UNC5D: variants seen among roughly 807,000 people sequenced by gnomAD.
UNC5D encodes the protein netrin receptor UNC5D.
In UNC5D, 39 loss-of-function variants were observed where a neutral mutation model predicts 105.4. The ratio of observed to expected loss-of-function variants is 0.37; its 90% CI spans 0.29 to 0.48. The LOEUF (loss-of-function observed/expected upper bound fraction) is 0.48. Among genes scored for constraint, UNC5D ranks in the 20% least tolerant of loss-of-function variants. UNC5D has a pLI of 0.98. For missense variants in UNC5D, 991 were observed against 1,202.4 expected, an observed-to-expected ratio of 0.82 and a Z score of 2.60; for synonymous variants, 452 against 450.4, an observed-to-expected ratio of 1.00 and a Z score of -0.04.
intron 3 of UNC5D, among the ~76,000 whole-genome samples, chr8:35,594,511 C>A (rs1819368981): frequency 6.6e-6 from 1 of 152,098 alleles, no homozygotes; most frequent in Non-Finnish European, 1.5e-5. Flanking sequence ...GGAGGGAGGG[C>A]AAAATCTTTT....
intron 16 of UNC5D, among the ~76,000 whole-genome samples, chr8:35,786,241 G>T (rs565187181): frequency 6.6e-6 from 1 of 152,090 alleles, no homozygotes; most frequent in Non-Finnish European, 1.5e-5. Context: ...AAATTAAATG[G>T]AATTTGAGAT....
intron 4 of UNC5D, among the ~76,000 whole-genome samples, chr8:35,672,696 GTTC>G (rs1432573564): frequency 6.6e-6 from 1 of 152,054 alleles, no homozygotes; most frequent in Non-Finnish European, 1.5e-5. Flanking sequence ...TCTGTTTAAT[GTTC>G]TTTTCCTCTG....
intron 8 of UNC5D, among the ~76,000 whole-genome samples, chr8:35,718,630 TAAC>T (rs1828395459): frequency 6.6e-6 from 1 of 152,090 alleles, no homozygotes; most frequent in Non-Finnish European, 1.5e-5. Flanking sequence ...GTTTGAAAAT[TAAC>T]AATAAAAAAC....
chr8:35,469,962 G>C (rs1045553819), intron 1 of UNC5D, among the ~76,000 whole-genome samples: 3 of 152,154 alleles, frequency 2.0e-5, no homozygotes, highest in African/African-American at 7.2e-5. Flanking sequence ...TAATTATTAA[G>C]CCACTCCTCA....
rs57529561 is a variant in UNC5D at position 35,731,399 on chromosome 8, C to CAAAAAAA, written c.1766+327_1766+333dup. On this transcript the variant is annotated intron_variant, in intron 11 of 16. Coordinates refer to ENST00000404895, the MANE Select transcript of UNC5D (RefSeq NM_080872.4). ...CTGGGCAACAGTGAGACTCTGTCTC[C>CAAAAAAA]AAAAAAAAAAAAAAAAAAAAAAAAA... Among the ~76,000 whole-genome samples the CAAAAAAA allele has an allele frequency of 6.9e-4, 21 of 30,646 alleles. 3 individuals carry two copies. The highest frequency in any genetic ancestry group is 1.3e-3 in the African/African-American group (20 of 15,720). 20.1% of individuals were successfully genotyped at this position (30,646 alleles called of 152,430 possible).
chr8:35,654,960 A>G (rs1823641752), intron 4 of UNC5D, among the ~76,000 whole-genome samples: 1 of 152,200 alleles, frequency 6.6e-6, no homozygotes, highest in Non-Finnish European at 1.5e-5. Flanking sequence ...GGTAAAAATG[A>G]TGCACAGATG....
At chr8:35,413,991 T>C (rs1805372928) in intron 1 of UNC5D, among the ~76,000 whole-genome samples, 1 of 152,154 alleles carries the variant, frequency 6.6e-6, no homozygotes, top group Admixed American at 6.5e-5. Context: ...AAAGCTGACC[T>C]CAGATTCTTG....
chr8:35,786,223 A>G (rs1204775188), intron 16 of UNC5D, among the ~76,000 whole-genome samples: 1 of 152,220 alleles, frequency 6.6e-6, no homozygotes, highest in Admixed American at 6.5e-5. Context: ...TCTTCTATGT[A>G]TATATTAAAA....
intron 1 of UNC5D, among the ~76,000 whole-genome samples, chr8:35,240,025 T>C (rs577200419): frequency 1.3e-5 from 2 of 152,112 alleles, no homozygotes; most frequent in Admixed American, 1.3e-4. Flanking sequence ...AGTGGCGAAC[T>C]CCTAGGCTCA....
chr8:35,415,998 A>T (rs767249817), intron 1 of UNC5D, among the ~76,000 whole-genome samples: 1 of 152,060 alleles, frequency 6.6e-6, no homozygotes, highest in Non-Finnish European at 1.5e-5. Context: ...GTTAGTATTA[A>T]CACTTACGTG....
chr8:35,683,856 C>T (rs1825836111), intron 5 of UNC5D, 129 bp downstream of exon 5: 1 of 870,180 alleles, frequency 1.1e-6, no homozygotes, highest in Admixed American at 4.3e-5. Flanking sequence ...AGTGCTCTAT[C>T]CTGCCTCCCT....
At chr8:35,685,313 A>G (rs1825933470) in intron 6 of UNC5D, among the ~76,000 whole-genome samples, 1 of 152,180 alleles carries the variant, frequency 6.6e-6, no homozygotes, top group African/African-American at 2.4e-5. Flanking sequence ...TACTTCATTT[A>G]CCAAGTATGG....
chr8:35,368,733 A>C (rs1375796033), intron 1 of UNC5D, among the ~76,000 whole-genome samples: 2 of 152,072 alleles, frequency 1.3e-5, no homozygotes, highest in Non-Finnish European at 2.9e-5. Flanking sequence ...TTGGGAGGTA[A>C]TTAGGTCTGG....
chr8:35,437,687 A>G (rs1563417440), intron 1 of UNC5D, among the ~76,000 whole-genome samples: 1 of 152,094 alleles, frequency 6.6e-6, no homozygotes, highest in Non-Finnish European at 1.5e-5. Context: ...CCGATATCTA[A>G]GAAGGCTATA....
intron 1 of UNC5D, among the ~76,000 whole-genome samples, chr8:35,388,209 C>A (rs1485486707): frequency 3.9e-5 from 6 of 151,906 alleles, no homozygotes; most frequent in Non-Finnish European, 2.9e-5. Flanking sequence ...ACTAAAAATA[C>A]AAAAATTAGC....
At chr8:35,717,350 C>T (rs1203203942) in intron 8 of UNC5D, among the ~76,000 whole-genome samples, 1 of 152,122 alleles carries the variant, frequency 6.6e-6, no homozygotes, top group Non-Finnish European at 1.5e-5. Context: ...GGCATTAGTA[C>T]ATCTTTTAGA....
At position 35,721,786 on chromosome 8, in the gene UNC5D, A is replaced by G. The variant is rs185571954; in HGVS notation, c.1118-424A>G. 2.6e-3 allele frequency among the ~76,000 whole-genome samples: 397 copies of G among 152,354 alleles called. 3 individuals carry two copies. The highest frequency in any genetic ancestry group is 4.4e-3 in the Non-Finnish European group (300 of 68,036). ...TGCTCTCTGCAAAGGCATGTGCCCC[A>G]GGTTTCACATAAGCAGAGCAGATCA... On this transcript the variant is annotated intron_variant, in intron 8 of 16. Coordinates refer to ENST00000404895, the MANE Select transcript of UNC5D (RefSeq NM_080872.4).
chr8:35,357,262 A>G (rs998081330), intron 1 of UNC5D, among the ~76,000 whole-genome samples: 1 of 152,306 alleles, frequency 6.6e-6, no homozygotes. Flanking sequence ...AAAAAGTCAA[A>G]TACCTGACAA....
At chr8:35,271,633 A>G (rs1380444165) in intron 1 of UNC5D, among the ~76,000 whole-genome samples, 8 of 144,214 alleles carry the variant, frequency 5.5e-5, no homozygotes, top group African/African-American at 1.5e-4. Flanking sequence ...TGTAACATAT[A>G]TTATGTATAC....
Sources: allele counts gnomAD v4.1 joint callset (sites outside exome capture counted in the v4.1 genomes callset), GRCh38; gene constraint gnomAD v4.1.1; transcripts MANE v1.5; gene names NCBI Gene and HGNC (gene_info 2026-07-23, HGNC 2026-07-21).